CUX1: variants seen among roughly 807,000 people sequenced by gnomAD.
CUX1 encodes protein CASP.
Under a neutral mutation model 158.8 loss-of-function variants are expected in CUX1, and 31 were observed. The ratio of observed to expected loss-of-function variants is 0.20; its 90% CI spans 0.15 to 0.26. The LOEUF is 0.26. Ranked by LOEUF, CUX1 falls within the 10% of genes least tolerant of loss-of-function variation. CUX1 has a pLI of 1.00. For synonymous variants in CUX1, 879 were observed against 862.1 expected (o/e 1.02, Z -0.34); for missense variants, 1,589 against 2,014.6 (o/e 0.79, Z 4.04).
chr7:102,192,493 T>G (rs1397560364), intron 12 of CUX1, among the ~76,000 whole-genome samples: 5 of 152,160 alleles, frequency 3.3e-5, no homozygotes, highest in African/African-American at 1.2e-4. Flanking sequence ...TACATAATCC[T>G]AAAGAAAATA....
chr7:101,837,998 CTATT>C (rs1295885600), intron 1 of CUX1, among the ~76,000 whole-genome samples: 2 of 151,992 alleles, frequency 1.3e-5, no homozygotes, highest in Non-Finnish European at 2.9e-5. Context: ...TCATTCTACT[CTATT>C]AATTATGCCT....
In CUX1 at chr7:102,250,776, G is replaced by T. The variant is rs956334025; in HGVS notation, c.*1734G>T. On this transcript the variant is annotated 3_prime_UTR_variant, in exon 24 of 24. Coordinates refer to ENST00000292535, the MANE Select transcript of CUX1 (RefSeq NM_181552.4). ...TATGCGTGAGAATAGAGGCGGGTGA[G>T]AGTGTGCGTGCGTGTGCGTGTGTGC... 2.0e-6 allele frequency: 2 copies of T among 985,274 alleles called. No homozygotes were observed. The highest frequency in any genetic ancestry group is 2.4e-6 in the Non-Finnish European group (2 of 829,948). 61.0% of individuals were successfully genotyped at this position (985,274 alleles called of 1,614,324 possible). A position where few individuals can be genotyped will look rare whatever the true frequency, so the allele number is the denominator to read the frequency against.
intron 2 of CUX1, among the ~76,000 whole-genome samples, chr7:101,978,429 C>T (rs1034125790): frequency 3.9e-5 from 6 of 152,244 alleles, no homozygotes; most frequent in Non-Finnish European, 7.3e-5. Context: ...CCAGCAAGCC[C>T]GTCCTTCCTC....
chr7:102,059,493 G>C (rs1384618829), intron 3 of CUX1, among the ~76,000 whole-genome samples: 2 of 151,940 alleles, frequency 1.3e-5, no homozygotes, highest in Non-Finnish European at 2.9e-5. Flanking sequence ...TTAGCTGGGC[G>C]TGGTGGCAGG....
Position 102,083,788 on chromosome 7 carries a change from A to G in CUX1, c.268+13371A>G, listed in dbSNP as rs1287133484. 2.0e-5 allele frequency among the ~76,000 whole-genome samples: 3 copies of G among 147,278 alleles called. 1 individual carries two copies. The highest frequency in any genetic ancestry group is 4.6e-5 in the Non-Finnish European group (3 of 65,310). On this transcript the variant is annotated intron_variant, in intron 4 of 23. Coordinates refer to ENST00000292535, the MANE Select transcript of CUX1 (RefSeq NM_181552.4). ...GAGCAGTATTTTACAGTTTTGATGTATAAACCTGGCACAGATTATGTTCAG... is the reference window on the plus strand; with the variant it reads ...GAGCAGTATTTTACAGTTTTGATGTGTAAACCTGGCACAGATTATGTTCAG...
chr7:102,028,524 A>G (rs1330520151), intron 3 of CUX1, among the ~76,000 whole-genome samples: 1 of 152,156 alleles, frequency 6.6e-6, no homozygotes, highest in African/African-American at 2.4e-5. Context: ...TGTGTGCCAT[A>G]AGTGTGGTGC....
intron 9 of CUX1, among the ~76,000 whole-genome samples, chr7:102,159,283 G>A (rs908658254): frequency 3.3e-5 from 5 of 152,298 alleles, no homozygotes; most frequent in African/African-American, 7.2e-5. Context: ...TTACCGCCAC[G>A]TTCTCATGGG....
intron 3 of CUX1, among the ~76,000 whole-genome samples, chr7:102,069,386 G>A (rs911175311): frequency 6.6e-5 from 10 of 152,136 alleles, no homozygotes; most frequent in Non-Finnish European, 1.2e-4. Context: ...TGTTGTAGCC[G>A]TGTTGGTGGA....
chr7:101,914,380 CTCCCTCCCTCCCTCTT>C (rs1212028481), intron 1 of CUX1, among the ~76,000 whole-genome samples: 197 of 122,268 alleles, frequency 1.6e-3, no homozygotes, highest in Non-Finnish European at 2.7e-3. Flanking sequence ...CCCTCCCTCC[CTCCCTCCCTCCCTCTT>C]TCCCTCCCTC....
chr7:101,931,615 G>C (rs1329069680), intron 2 of CUX1, among the ~76,000 whole-genome samples: 2 of 152,162 alleles, frequency 1.3e-5, no homozygotes, highest in Non-Finnish European at 2.9e-5. Flanking sequence ...GCCCAGGCTG[G>C]AGTGCAATGG....
At chr7:101,891,601 A>G (rs886897187) in intron 1 of CUX1, among the ~76,000 whole-genome samples, 3 of 152,204 alleles carry the variant, frequency 2.0e-5, no homozygotes, top group Middle Eastern at 3.2e-3. Flanking sequence ...GAACCCAGAG[A>G]TCAATAAGAC....
chr7:102,177,780 C>T lies in CUX1; in HGVS notation c.829-689C>T, dbSNP rs573953021. ...GGCCTCTGTTTTAAGTCTCCTTTGA[C>T]AGTGGTCACCCCGCACACTTTTCAT... On this transcript the variant is annotated intron_variant, in intron 10 of 23. Coordinates refer to ENST00000292535, the MANE Select transcript of CUX1 (RefSeq NM_181552.4). 3.3e-5 allele frequency among the ~76,000 whole-genome samples: 5 copies of T among 152,318 alleles called. 1 individual carries two copies. In the South Asian group the frequency reaches 1.0e-3, roughly 32 times the overall value.
At chr7:101,863,932 T>G (rs1797706207) in intron 1 of CUX1, among the ~76,000 whole-genome samples, 2 of 152,358 alleles carry the variant, frequency 1.3e-5, no homozygotes, top group South Asian at 4.1e-4. Flanking sequence ...CCCCATTTTG[T>G]GTATTCATTC....
At chr7:102,094,717 G>A (rs1554483440) in intron 4 of CUX1, among the ~76,000 whole-genome samples, 1 of 152,268 alleles carries the variant, frequency 6.6e-6, no homozygotes, top group African/African-American at 2.4e-5. Context: ...AATTTTATAC[G>A]TGATCAAAGG....
intron 15 of CUX1, among the ~76,000 whole-genome samples, chr7:102,198,109 G>A (rs182223275): frequency 8.5e-5 from 13 of 152,160 alleles, no homozygotes; most frequent in Non-Finnish European, 1.8e-4. Context: ...AAAATCAAAA[G>A]GTTAGCTGGG....
At chr7:102,216,629 ACC>A (rs1245899579) in intron 20 of CUX1, among the ~76,000 whole-genome samples, 1 of 79,052 alleles carries the variant, frequency 1.3e-5, no homozygotes, top group African/African-American at 5.0e-5. Context: ...CCACACACAC[ACC>A]CCCACACACG....
intron 2 of CUX1, among the ~76,000 whole-genome samples, chr7:101,950,386 A>G (rs528309873): frequency 1.3e-5 from 2 of 152,334 alleles, no homozygotes; most frequent in East Asian, 1.9e-4. Context: ...ATGAAATTCA[A>G]ATTTCATTGC....
At chr7:102,178,383 G>C (rs139854572) in intron 10 of CUX1, 86 bp from the exon 11 acceptor site, 1,050 of 1,303,238 alleles carry the variant, frequency 8.1e-4, no homozygotes, top group Admixed American at 2.7e-3. Flanking sequence ...CATCTGTGCA[G>C]CTTCTGTCTC....
chr7:101,878,741 C>T (rs942321432), intron 1 of CUX1, among the ~76,000 whole-genome samples: 2 of 151,702 alleles, frequency 1.3e-5, no homozygotes, highest in African/African-American at 2.4e-5. Flanking sequence ...GGTATGATCT[C>T]GGCTCACTGC....
Sources: allele counts gnomAD v4.1 joint callset (sites outside exome capture counted in the v4.1 genomes callset), GRCh38; gene constraint gnomAD v4.1.1; transcripts MANE v1.5; gene names NCBI Gene and HGNC (gene_info 2026-07-23, HGNC 2026-07-21).